Variants in INTS4 observed in about 807,000 individuals in gnomAD.
INTS4 encodes MSTP093.
INTS4 carries 70 observed loss-of-function variants against 119.5 expected under a neutral mutation model. That is an observed-to-expected ratio of 0.59 (90% CI 0.48 to 0.71). The LOEUF (loss-of-function observed/expected upper bound fraction) is 0.71. INTS4 is among the 30% of genes least tolerant of loss of function. The pLI, the probability that INTS4 is intolerant of heterozygous loss-of-function variation, is 0.00. For synonymous variants in INTS4, 316 were observed against 419.6 expected (o/e 0.75, Z 3.02); for missense variants, 867 against 1,173.2 (o/e 0.74, Z 3.81).
At chr11:77,934,574 T>C (rs1251954600) in intron 10 of INTS4, among the ~76,000 whole-genome samples, 2 of 151,816 alleles carry the variant, frequency 1.3e-5, no homozygotes, top group African/African-American at 4.8e-5. Context: ...TACATTGCCA[T>C]TGAATTCAAT....
chr11:77,899,676 A>G lies in INTS4; in HGVS notation c.2228+1745T>C, dbSNP rs375461710. 4.0e-5 allele frequency among the ~76,000 whole-genome samples: 6 copies of G among 151,704 alleles called. No individual in the cohort carries two copies. The East Asian group carries it at 1.2e-3, about 29-fold the overall frequency. On this transcript the variant is annotated intron_variant, in intron 18 of 22. Transcript: ENST00000534064. ...CAAGAGCGAGACTTTGTCTAAAAGAAAAAAAAAAGAAAAATATAAAATATT... is the reference window on the plus strand; with the variant it reads ...CAAGAGCGAGACTTTGTCTAAAAGAGAAAAAAAAGAAAAATATAAAATATT...
chr11:77,981,497 C>A lies in INTS4; in HGVS notation c.326G>T (p.Cys109Phe). 6.4e-7 allele frequency: 1 copy of A among 1,569,166 alleles called. No individual in the cohort carries two copies. Among genetic ancestry groups the A allele is most frequent in the Non-Finnish European group, 8.7e-7 (1 of 1,154,952 alleles). Residue 109 changes from cysteine (C) to phenylalanine (F), a missense_variant, in exon 3 of 23, where the codon TGC (cysteine) becomes TTC (phenylalanine). Around this residue, in one of 5 missense-constraint regions of INTS4, gnomAD observed 224 missense variants for 231.8 expected, o/e 0.97. Coordinates refer to ENST00000534064, the MANE Select transcript of INTS4 (RefSeq NM_033547.4). ...GATGTTGATGGCATCATCCATAATG[C>A]AGTCTGGTGAAAATCCTGCTGTCTT... ...LSKTAGFSPD[C>F]IMDDAINILQ...
In INTS4 at chr11:77,941,209, G is replaced by A; in HGVS notation, c.961C>T (p.Leu321Phe). 3.1e-6 allele frequency: 5 copies of A among 1,613,012 alleles called. No individual in the cohort carries two copies. The highest frequency in any genetic ancestry group is 4.2e-6 in the Non-Finnish European group (5 of 1,179,650). ...QVSSHFLEQT[L>F]DKKLMSDLRR... Reference sequence around the variant, plus strand: ...AGATCTGACATCAGCTTCTTGTCAAGGGTCTGCTCCAAGAAATGAGAACTG... The same window carrying A: ...AGATCTGACATCAGCTTCTTGTCAAAGGTCTGCTCCAAGAAATGAGAACTG... The change falls in exon 9 of 23, where the codon CTT (leucine) becomes TTT (phenylalanine). Residue 321 changes from leucine to phenylalanine, a missense_variant. Leu to Phe is a conservative substitution (Grantham distance 22, BLOSUM62 0). Around this residue, in one of 5 missense-constraint regions of INTS4, gnomAD observed 208 missense variants for 306.6 expected, o/e 0.68. Coordinates refer to ENST00000534064, the MANE Select transcript of INTS4 (RefSeq NM_033547.4).
chr11:77,970,167 C>T (rs1368263813), intron 4 of INTS4, among the ~76,000 whole-genome samples: 2 of 152,052 alleles, frequency 1.3e-5, no homozygotes, highest in Non-Finnish European at 2.9e-5. Flanking sequence ...GAGGCTGAGG[C>T]GGGCAGATCA....
intron 4 of INTS4, among the ~76,000 whole-genome samples, chr11:77,968,006 C>G (rs978035154): frequency 1.3e-5 from 2 of 152,152 alleles, no homozygotes; most frequent in African/African-American, 4.8e-5. Flanking sequence ...CATGATATAG[C>G]CTAATGCTCC....
chr11:77,985,676 G>A (rs1856428359), intron 2 of INTS4, among the ~76,000 whole-genome samples: 1 of 152,140 alleles, frequency 6.6e-6, no homozygotes, highest in Non-Finnish European at 1.5e-5. Flanking sequence ...TTACCAACAT[G>A]AAGCACAAAG....
intron 8 of INTS4, among the ~76,000 whole-genome samples, chr11:77,947,877 T>G (rs1253802655): frequency 6.6e-6 from 1 of 152,186 alleles, no homozygotes; most frequent in Non-Finnish European, 1.5e-5. Flanking sequence ...ACAGTCTTAC[T>G]CTGATGCCCA....
intron 15 of INTS4, among the ~76,000 whole-genome samples, chr11:77,917,586 AG>A (rs942551096): frequency 3.9e-5 from 6 of 152,106 alleles, no homozygotes; most frequent in African/African-American, 7.2e-5. Flanking sequence ...CTGGGATTAC[AG>A]GCATGAGCCA....
At position 77,922,398 on chromosome 11, in the gene INTS4, G is replaced by A; in HGVS notation, c.1588C>T (p.Pro530Ser). ...TCTGGTTCAGCTGTGTCAAAAAATG[G>A]GTGGGTGCTCAGAAGCTCTGGCACC... The part of the protein sequence containing the change: ...PLVPELLSTH[P>S]FFDTAEPDMD... The change falls in exon 13 of 23, where the codon CCA becomes TCA. Residue 530 changes from proline to serine, a missense_variant. Physicochemically the swap from Pro to Ser is moderately conservative, Grantham distance 74. Transcript: ENST00000534064. The A allele has an allele frequency of 8.7e-6, 13 of 1,491,076 alleles. No individual in the cohort carries two copies. The highest frequency in any genetic ancestry group is 1.2e-5 in the Non-Finnish European group (13 of 1,120,810). 92.4% of individuals were successfully genotyped at this position (1,491,076 alleles called of 1,614,324 possible).
At chr11:77,958,098 T>C (rs979747162) in intron 7 of INTS4, among the ~76,000 whole-genome samples, 1 of 152,158 alleles carries the variant, frequency 6.6e-6, no homozygotes, top group Non-Finnish European at 1.5e-5. Context: ...ACACTACAAA[T>C]GGAGCCTACT....
chr11:77,979,423 C>A (rs1240616838), intron 3 of INTS4, among the ~76,000 whole-genome samples: 2 of 151,700 alleles, frequency 1.3e-5, no homozygotes, highest in Non-Finnish European at 2.9e-5. Context: ...AGCAGTGAGC[C>A]GTAATCGCGC....
Position 77,918,855 on chromosome 11 carries a change from G to C in INTS4, c.1888C>G (p.Gln630Glu). ...RVYSLQHLDP[Q>E]GAQELLEFTI... ...AATTCCAGCAGCTCCTGGGCTCCCT[G>C]AGGGTCCAAGTGCTGAAGACTATAC... Residue 630 changes from glutamine (Q) to glutamate (E), a missense_variant, in exon 15 of 23, where the codon CAG (glutamine) becomes GAG (glutamate). By Grantham distance (29) the Gln-to-Glu change is conservative (BLOSUM62 2). Around this residue, in one of 5 missense-constraint regions of INTS4, gnomAD observed 262 missense variants for 376.0 expected, o/e 0.70. Coordinates refer to ENST00000534064, the MANE Select transcript of INTS4 (RefSeq NM_033547.4). 7 of 1,613,786 alleles carry C rather than the reference G, an allele frequency of 4.3e-6. No homozygotes were observed. The highest frequency in any genetic ancestry group is 5.9e-6 in the Non-Finnish European group (7 of 1,179,842).
At chr11:77,910,705 C>G (rs1038222616) in intron 15 of INTS4, among the ~76,000 whole-genome samples, 1 of 151,982 alleles carries the variant, frequency 6.6e-6, no homozygotes, top group Admixed American at 6.6e-5. Flanking sequence ...AATTAGTCCC[C>G]CTTCCTACGC....
chr11:77,942,280 G>C (rs1429653026), intron 8 of INTS4, among the ~76,000 whole-genome samples: 2 of 152,200 alleles, frequency 1.3e-5, no homozygotes, highest in Admixed American at 6.5e-5. Flanking sequence ...AGAACAAGCA[G>C]TATTAAGGTA....
intron 1 of INTS4, among the ~76,000 whole-genome samples, chr11:77,991,744 G>A (rs1470123842): frequency 6.6e-6 from 1 of 151,980 alleles, no homozygotes; most frequent in South Asian, 2.1e-4. Context: ...TTTGGGTTTA[G>A]AGGTCACACA....
chr11:77,878,967 G>C lies in INTS4; in HGVS notation c.2874C>G (p.Pro958=), dbSNP rs1046744383. 1 of 1,613,824 alleles carries C rather than the reference G, an allele frequency of 6.2e-7. No individual in the cohort carries two copies. The highest frequency in any genetic ancestry group is 1.3e-5 in the African/African-American group (1 of 74,886). The change falls in exon 23 of 23, where the codon CCC becomes CCG. Residue 958 remains proline (P), a synonymous_variant. Coordinates refer to ENST00000534064, the MANE Select transcript of INTS4 (RefSeq NM_033547.4). ...FSKPVKVYIM[P]KPARR is the part of the protein sequence containing the mutation. The stretch of plus-strand genomic sequence containing the variant: ...TTTTGCCTTAGCGCCGTGCAGGTTT[G>C]GGCATTATATAAACTTTTACAGGCT...
chr11:77,970,130 C>T (rs553190692), intron 4 of INTS4, among the ~76,000 whole-genome samples: 86 of 152,340 alleles, frequency 5.6e-4, no homozygotes, highest in African/African-American at 1.9e-3. Context: ...GGTGCAGTGG[C>T]TCATGCCTGT....
intron 15 of INTS4, among the ~76,000 whole-genome samples, chr11:77,914,598 A>G (rs1279197850): frequency 6.6e-6 from 1 of 152,186 alleles, no homozygotes; most frequent in East Asian, 1.9e-4. Context: ...TTTTTTCTGT[A>G]AAAGGTCAAA....
rs1273212232 is a variant in INTS4, at chr11:77,926,775, G to A, written c.1371+1567C>T. The stretch of plus-strand genomic sequence containing the variant: ...TGCAGTAAGCCAAGATCGTACCACC[G>A]CACTCCACCCTGGGGAACAGAGCGA... On this transcript the variant is annotated intron_variant, in intron 11 of 22. Transcript: ENST00000534064. 5.5e-5 allele frequency among the ~76,000 whole-genome samples: 8 copies of A among 145,556 alleles called. No individual in the cohort carries two copies. In the East Asian group the frequency reaches 1.0e-3, roughly 18 times the overall value.
Sources: allele counts gnomAD v4.1 joint callset (sites outside exome capture counted in the v4.1 genomes callset), GRCh38; gene constraint gnomAD v4.1.1; regional missense constraint gnomAD v4.1.1; transcripts MANE v1.5; gene names NCBI Gene and HGNC (gene_info 2026-07-23, HGNC 2026-07-21).